CYFIP2: variants seen among roughly 807,000 people sequenced by gnomAD.
The protein encoded by CYFIP2 is cytoplasmic FMR1-interacting protein 2.
In CYFIP2, 29 loss-of-function variants were observed where a neutral mutation model predicts 158.7. The observed-to-expected ratio is 0.18, with a 90% CI of 0.14 to 0.25. CYFIP2 has a LOEUF of 0.25. Among genes scored for constraint, CYFIP2 ranks in the 10% least tolerant of loss-of-function variants. The pLI is 1.00. For synonymous variants in CYFIP2, 585 were observed against 617.6 expected, an observed-to-expected ratio of 0.95 and a Z score of 0.78; for missense variants, 852 against 1,639.5, an observed-to-expected ratio of 0.52 and a Z score of 8.29.
chr5:157,313,354 A>G (rs1161288082), intron 11 of CYFIP2, among the ~76,000 whole-genome samples: 1 of 152,254 alleles, frequency 6.6e-6, no homozygotes, highest in East Asian at 1.9e-4. Context: ...AAGCTTATCT[A>G]GAACACGTAT....
At chr5:157,344,110 T>A (rs1387510248) in intron 23 of CYFIP2, among the ~76,000 whole-genome samples, 3 of 152,192 alleles carry the variant, frequency 2.0e-5, no homozygotes, top group Non-Finnish European at 2.9e-5. Context: ...GCAGCTGATC[T>A]CACCCCAAAG....
rs1757923233 is a variant in CYFIP2 at position 157,292,690 on chromosome 5, G to A, written c.208-2093G>A. On this transcript the variant is annotated intron_variant, in intron 3 of 30. Transcript: ENST00000620254. ...GAATAATGCTGCTATGAACATTTGT[G>A]TTACATGCAAATCTTGAATCTACAC... Among the ~76,000 whole-genome samples, 5 of 152,266 alleles carry A rather than the reference G, an allele frequency of 3.3e-5. No homozygotes were observed. The South Asian group carries it at 8.3e-4, about 25-fold the overall frequency.
chr5:157,312,442 G>T (rs955471688), intron 11 of CYFIP2, among the ~76,000 whole-genome samples: 44 of 151,802 alleles, frequency 2.9e-4, no homozygotes, highest in African/African-American at 1.0e-3. Flanking sequence ...ACTAAGACTG[G>T]TATTTGGATA....
chr5:157,300,674 G>T (rs115955190), intron 5 of CYFIP2, 41 bp from the exon 6 acceptor site: 1 of 1,446,124 alleles, frequency 6.9e-7, no homozygotes. Flanking sequence ...GCCCCCATAA[G>T]GGAGCACAGT....
chr5:157,370,689 A>C (rs527427265), intron 26 of CYFIP2, among the ~76,000 whole-genome samples: 1 of 152,360 alleles, frequency 6.6e-6, no homozygotes, highest in African/African-American at 2.4e-5. Context: ...TTGTATGCCC[A>C]ATTTCCACTT....
intron 10 of CYFIP2, 136 bp downstream of exon 10, chr5:157,309,970 C>T (rs1374048738): frequency 1.5e-5 from 12 of 816,350 alleles, no homozygotes; most frequent in South Asian, 4.8e-5. Context: ...AGGTGCCGGC[C>T]GGAGGGGAGC....
At chr5:157,288,547 G>C in intron 3 of CYFIP2, 1 of 454,844 alleles carries the variant, frequency 2.2e-6, no homozygotes, top group Non-Finnish European at 4.4e-6. Flanking sequence ...GGCCAGTCCT[G>C]ATCCTCAGTG....
intron 16 of CYFIP2, among the ~76,000 whole-genome samples, chr5:157,325,234 A>G (rs1020469895): frequency 6.6e-6 from 1 of 152,064 alleles, no homozygotes; most frequent in Non-Finnish European, 1.5e-5. Context: ...CTAAAGCTCT[A>G]AAACATCACT....
chr5:157,300,489 C>G (rs186916390), intron 5 of CYFIP2, among the ~76,000 whole-genome samples: 215 of 149,900 alleles, frequency 1.4e-3, no homozygotes, highest in African/African-American at 4.9e-3. Context: ...GAGCCGAGAT[C>G]GCACCGCTGC....
chr5:157,392,057 A>C (rs1056028148), intron 30 of CYFIP2, among the ~76,000 whole-genome samples: 1 of 152,146 alleles, frequency 6.6e-6, no homozygotes, highest in Non-Finnish European at 1.5e-5. Context: ...CCATTTGTAT[A>C]TCTTCTTTAG....
At chr5:157,365,321 ATTT>A (rs1323712068) in intron 26 of CYFIP2, 1 of 152,168 alleles carries the variant, frequency 6.6e-6, no homozygotes. Context: ...TTACTTTTCC[ATTT>A]TTTGTCTTTT....
chr5:157,347,792 G>A (rs1762801220), intron 23 of CYFIP2, among the ~76,000 whole-genome samples: 1 of 152,242 alleles, frequency 6.6e-6, no homozygotes, highest in African/African-American at 2.4e-5. Flanking sequence ...AGGCCTCCAA[G>A]CCCTCTTGTT....
intron 23 of CYFIP2, among the ~76,000 whole-genome samples, chr5:157,356,375 A>T (rs900802078): frequency 1.5e-4 from 23 of 152,120 alleles, no homozygotes; most frequent in African/African-American, 5.3e-4. Flanking sequence ...ATACTATCAT[A>T]TTGGCGGTTA....
intron 22 of CYFIP2, among the ~76,000 whole-genome samples, chr5:157,340,606 A>G (rs1029784426): frequency 6.6e-6 from 1 of 152,250 alleles, no homozygotes; most frequent in Admixed American, 6.5e-5. Context: ...GATCATGCTC[A>G]TTTGTTTATT....
intron 26 of CYFIP2, chr5:157,380,003 A>T (rs752119789): frequency 3.3e-5 from 5 of 152,204 alleles, no homozygotes; most frequent in Non-Finnish European, 7.3e-5. Flanking sequence ...GGAAGCGTGG[A>T]GTGCTGATTG....
In CYFIP2 at chr5:157,323,951, C is replaced by T; in HGVS notation, c.1702C>T (p.Leu568Phe). The change falls in exon 16 of 31, where the codon CTC (leucine) becomes TTC (phenylalanine). Residue 568 changes from leucine to phenylalanine, a missense_variant. Physicochemically the swap from Leu to Phe is conservative, Grantham distance 22. Around this residue, in one of 8 missense-constraint regions of CYFIP2, gnomAD observed 167 missense variants for 343.3 expected, o/e 0.49. Transcript: ENST00000620254. ...LYMVRTMLES[L>F]IADKSGSKKT... ...CATGGTGCGGACCATGCTTGAATCA[C>T]TCATTGCAGACAAAAGCGGCTCCAA... is the stretch of plus-strand genomic sequence containing the variant. The T allele has an allele frequency of 6.2e-7, 1 of 1,600,056 alleles. No individual in the cohort carries two copies. Among genetic ancestry groups the T allele is most frequent in the Non-Finnish European group, 8.5e-7 (1 of 1,172,712 alleles).
intron 26 of CYFIP2, 82 bp from the exon 27 acceptor site, chr5:157,382,508 A>T: frequency 6.9e-7 from 1 of 1,451,964 alleles, no homozygotes; most frequent in South Asian, 1.2e-5. Context: ...AGCTAACTCC[A>T]GTGCTCAGGT....
intron 11 of CYFIP2, among the ~76,000 whole-genome samples, chr5:157,312,867 A>T (rs559748614): frequency 7.9e-5 from 12 of 152,142 alleles, no homozygotes; most frequent in African/African-American, 2.4e-4. Context: ...CTCTTTTAAA[A>T]ATTTTTTTTA....
At chr5:157,291,433 T>C (rs1228298083) in intron 3 of CYFIP2, among the ~76,000 whole-genome samples, 1 of 152,242 alleles carries the variant, frequency 6.6e-6, no homozygotes, top group Admixed American at 6.5e-5. Flanking sequence ...AAACTGTCCG[T>C]AGGGCAGAGT....
Sources: gnomAD v4.1 joint callset for allele counts (sites outside exome capture counted in the v4.1 genomes callset) on GRCh38, gnomAD v4.1.1 for gene constraint, gnomAD v4.1.1 regional missense constraint, MANE v1.5 for transcripts, NCBI Gene and HGNC (gene_info 2026-07-23, HGNC 2026-07-21) for gene names.